The following TRIM33 variants were observed in gnomAD, a reference collection of about 807,000 sequenced individuals.
TRIM33 encodes tripartite motif containing 33.
A neutral mutation model predicts 125.4 loss-of-function variants in TRIM33; 20 were observed. The ratio of observed to expected loss-of-function variants is 0.16; its 90% CI spans 0.11 to 0.23. The LOEUF (loss-of-function observed/expected upper bound fraction) is 0.23, where lower values mean the gene tolerates loss of function less well. Among genes scored for constraint, TRIM33 ranks in the 10% least tolerant of loss-of-function variants. The pLI is 1.00. For synonymous variants in TRIM33, 564 were observed against 513.9 expected (o/e 1.10, Z -1.32); for missense variants, 920 against 1,411.4 (o/e 0.65, Z 5.58).
At chr1:114,472,562 G>A (rs1021033167) in intron 1 of TRIM33, among the ~76,000 whole-genome samples, 1 of 152,008 alleles carries the variant, frequency 6.6e-6, no homozygotes, top group Non-Finnish European at 1.5e-5. Context: ...GCAAGACCCT[G>A]TCTCTACAAA....
Position 114,401,420 on chromosome 1 carries a change from C to T in TRIM33, c.2936G>A (p.Ser979Asn). ...AGGAACAGGCTCCTGGAATTCAATA[C>T]TTAATTCATGGCAATAGAGGTAAAG... Reference protein sequence around the residue: ...LLLYLYCHELSIEFQEPVPAS... With the variant: ...LLLYLYCHELNIEFQEPVPAS... Residue 979 changes from serine (S) to asparagine (N), a missense_variant, in exon 17 of 20, where the codon AGT becomes AAT. Coordinates refer to ENST00000358465, the MANE Select transcript of TRIM33 (RefSeq NM_015906.4). The T allele has an allele frequency of 1.2e-6, 2 of 1,612,942 alleles. No individual in the cohort carries two copies. Among genetic ancestry groups the T allele is most frequent in the Non-Finnish European group, 1.7e-6 (2 of 1,179,410 alleles).
chr1:114,460,890 T>A (rs1649940324), intron 4 of TRIM33, among the ~76,000 whole-genome samples: 1 of 152,106 alleles, frequency 6.6e-6, no homozygotes, highest in South Asian at 2.1e-4. Flanking sequence ...CCAATTAAGA[T>A]CTTTAAATTG....
intron 1 of TRIM33, among the ~76,000 whole-genome samples, chr1:114,500,123 T>C (rs1570677380): frequency 6.6e-6 from 1 of 152,264 alleles, no homozygotes; most frequent in East Asian, 1.9e-4. Context: ...GCAGAGATCG[T>C]GCCATTGCAC....
chr1:114,504,878 G>A (rs1652907384), intron 1 of TRIM33, among the ~76,000 whole-genome samples: 1 of 152,282 alleles, frequency 6.6e-6, no homozygotes, highest in Non-Finnish European at 1.5e-5. Flanking sequence ...GTAGACATCA[G>A]AAAAGCCTTT....
At chr1:114,441,876 G>A (rs1046162280) in intron 4 of TRIM33, among the ~76,000 whole-genome samples, 6 of 152,026 alleles carry the variant, frequency 3.9e-5, no homozygotes, top group Non-Finnish European at 8.8e-5. Context: ...GATTCTGCTG[G>A]GTAACTGACT....
chr1:114,487,928 A>AAAC (rs1651815366), intron 1 of TRIM33, among the ~76,000 whole-genome samples: 1 of 150,086 alleles, frequency 6.7e-6, no homozygotes, highest in Non-Finnish European at 1.5e-5. Context: ...AAAAAAAAAA[A>AAAC]AATGAGAGTA....
chr1:114,409,220 C>T (rs376949971), intron 12 of TRIM33, among the ~76,000 whole-genome samples: 5 of 152,026 alleles, frequency 3.3e-5, no homozygotes, highest in African/African-American at 1.2e-4. Context: ...ATTTAATTTA[C>T]GTTAGAAAAA....
chr1:114,399,677 A>G (rs1025180134), intron 17 of TRIM33, 68 bp from the exon 18 acceptor site: 2 of 1,314,864 alleles, frequency 1.5e-6, no homozygotes, highest in African/African-American at 3.0e-5. Flanking sequence ...TTGAAAATGC[A>G]TAGCATATTA....
Position 114,395,433 on chromosome 1 carries a change from A to G in TRIM33, c.*2215T>C. The G allele has an allele frequency of 5.0e-6, 1 of 198,268 alleles. No individual in the cohort carries two copies. The highest frequency in any genetic ancestry group is 1.0e-5 in the Non-Finnish European group (1 of 95,698). The allele number at this position is 198,268 out of a possible 1,614,324, so 12.3% of individuals were successfully genotyped here. On this transcript the variant is annotated 3_prime_UTR_variant, in exon 20 of 20. Transcript: ENST00000358465. The stretch of plus-strand genomic sequence containing the variant: ...ATTTACTTAAAATGTTTCTCCCCTC[A>G]GTTGGCAGAATCTATTTATGACTCA...
intron 14 of TRIM33, among the ~76,000 whole-genome samples, chr1:114,406,425 G>C (rs1482371717): frequency 6.6e-6 from 1 of 152,114 alleles, no homozygotes; most frequent in Non-Finnish European, 1.5e-5. Flanking sequence ...AAACCAAGAG[G>C]GGCTTGGCCT....
chr1:114,437,290 T>C (rs981112118), intron 4 of TRIM33, among the ~76,000 whole-genome samples: 2 of 152,228 alleles, frequency 1.3e-5, no homozygotes, highest in Admixed American at 6.5e-5. Flanking sequence ...GATTAATACA[T>C]AAATACTTCA....
At chr1:114,447,264 G>A (rs898439264) in intron 4 of TRIM33, among the ~76,000 whole-genome samples, 4 of 152,142 alleles carry the variant, frequency 2.6e-5, no homozygotes, top group African/African-American at 4.8e-5. Context: ...GGCAACAGAG[G>A]TAGTACGTGG....
chr1:114,476,435 T>C (rs752850080), intron 1 of TRIM33, among the ~76,000 whole-genome samples: 1 of 152,104 alleles, frequency 6.6e-6, no homozygotes, highest in African/African-American at 2.4e-5. Flanking sequence ...TTTCCATCTG[T>C]AGACTTAAAT....
intron 1 of TRIM33, among the ~76,000 whole-genome samples, chr1:114,493,922 T>C (rs1256402324): frequency 1.3e-5 from 2 of 152,046 alleles, no homozygotes; most frequent in Non-Finnish European, 2.9e-5. Flanking sequence ...CGCCTCCTGA[T>C]TCAAGCGATT....
In TRIM33 at chr1:114,421,901, T is replaced by C. The variant is rs530958671; in HGVS notation, c.1861-265A>G. Among the ~76,000 whole-genome samples, 6 of 152,292 alleles carry C rather than the reference T, an allele frequency of 3.9e-5. No individual in the cohort carries two copies. The South Asian group carries it at 1.2e-3, about 32-fold the overall frequency. ...GATCTTATTTCAGAAGAAGGAAGTA[T>C]GTAATAGAGGATCTGTAAACCTCCA... is the stretch of plus-strand genomic sequence containing the variant. On this transcript the variant is annotated intron_variant, in intron 10 of 19. Coordinates refer to ENST00000358465, the MANE Select transcript of TRIM33 (RefSeq NM_015906.4).
intron 1 of TRIM33, among the ~76,000 whole-genome samples, chr1:114,508,616 A>G (rs1234662651): frequency 2.0e-5 from 3 of 151,744 alleles, no homozygotes; most frequent in Non-Finnish European, 2.9e-5. Context: ...CCCAGCCCTC[A>G]CCCTCACCCC....
chr1:114,447,462 G>C (rs948313941), intron 4 of TRIM33, among the ~76,000 whole-genome samples: 8 of 152,136 alleles, frequency 5.3e-5, no homozygotes, highest in Non-Finnish European at 1.0e-4. Flanking sequence ...TGGAGAAAGT[G>C]ATCAGTAGTT....
rs186284880 is a variant in TRIM33 at position 114,442,916 on chromosome 1, A to G, written c.924-9183T>C. Reference sequence around the variant, plus strand: ...CCTGGAATAGGAATGAGGCATCAATATATTTTTTTAAATCTCCCTACTTTT... The same window carrying G: ...CCTGGAATAGGAATGAGGCATCAATGTATTTTTTTAAATCTCCCTACTTTT... On this transcript the variant is annotated intron_variant, in intron 4 of 19. Coordinates refer to ENST00000358465, the MANE Select transcript of TRIM33 (RefSeq NM_015906.4). Among the ~76,000 whole-genome samples the G allele has an allele frequency of 4.2e-4, 63 of 151,574 alleles. 1 individual carries two copies. In the East Asian group the frequency reaches 0.011, roughly 26 times the overall value.
At chr1:114,426,507 C>A (rs1557858373) in intron 8 of TRIM33, among the ~76,000 whole-genome samples, 1 of 140,462 alleles carries the variant, frequency 7.1e-6, no homozygotes. Flanking sequence ...GCAAAGATTA[C>A]TTTTTTTTTT....
Sources: gnomAD v4.1 joint callset for allele counts (sites outside exome capture counted in the v4.1 genomes callset) on GRCh38, gnomAD v4.1.1 for gene constraint, MANE v1.5 for transcripts, NCBI Gene and HGNC (gene_info 2026-07-23, HGNC 2026-07-21) for gene names.